ABCA10: variants seen among roughly 807,000 people sequenced by gnomAD.
ABCA10 encodes ATP binding cassette subfamily A member 10.
In ABCA10, 169 loss-of-function variants were observed where a neutral mutation model predicts 187.5. That is an observed-to-expected ratio of 0.90 (90% CI 0.80 to 1.02). The LOEUF is 1.02. Ranked by LOEUF, ABCA10 falls within the 50% of genes least tolerant of loss-of-function variation. The pLI is 0.00. For synonymous variants in ABCA10, 574 were observed against 601.8 expected, an observed-to-expected ratio of 0.95 and a Z score of 0.68; for missense variants, 1,727 against 1,812.4, an observed-to-expected ratio of 0.95 and a Z score of 0.86.
chr17:69,152,317 C>G, intron 35 of ABCA10, 45 bp downstream of exon 35: 1 of 1,592,148 alleles, frequency 6.3e-7, no homozygotes, highest in Non-Finnish European at 8.5e-7. Context: ...GAAACTCTCT[C>G]TATAAGAACA....
At chr17:69,243,210 T>C (rs941008803) in intron 1 of ABCA10, among the ~76,000 whole-genome samples, 6 of 152,214 alleles carry the variant, frequency 3.9e-5, no homozygotes, top group African/African-American at 1.4e-4. Context: ...AAATTACTTC[T>C]GATTAGTGTA....
At chr17:69,186,676 T>C (rs2074424409) in intron 19 of ABCA10, among the ~76,000 whole-genome samples, 1 of 152,186 alleles carries the variant, frequency 6.6e-6, no homozygotes, top group Admixed American at 6.5e-5. Flanking sequence ...CCCTCCATAT[T>C]TTCTAATCTT....
At chr17:69,176,127 C>T (rs1239654598) in intron 22 of ABCA10, among the ~76,000 whole-genome samples, 2 of 152,154 alleles carry the variant, frequency 1.3e-5, no homozygotes, top group Non-Finnish European at 2.9e-5. Context: ...TTTACATTTA[C>T]ATCTGATATT....
chr17:69,183,032 T>C (rs2074392687), intron 20 of ABCA10, among the ~76,000 whole-genome samples: 1 of 152,212 alleles, frequency 6.6e-6, no homozygotes, highest in Non-Finnish European at 1.5e-5. Context: ...TTTTCAGAAA[T>C]ATATTCATTT....
At chr17:69,196,624 A>G in intron 11 of ABCA10, 2 of 197,132 alleles carry the variant, frequency 1.0e-5, no homozygotes, top group Non-Finnish European at 2.1e-5. Context: ...GGCCGGGCAG[A>G]GGCTGCAATC....
chr17:69,195,978 A>G (rs544675969), intron 11 of ABCA10, among the ~76,000 whole-genome samples: 1 of 152,174 alleles, frequency 6.6e-6, no homozygotes, highest in Non-Finnish European at 1.5e-5. Context: ...AGACACAGCA[A>G]CAATCTGATT....
At chr17:69,191,098 T>G in intron 17 of ABCA10, 78 bp downstream of exon 17, 1 of 1,272,122 alleles carries the variant, frequency 7.9e-7, no homozygotes. Context: ...TAGAACTCGA[T>G]TCATAGAACA....
In ABCA10 at chr17:69,222,528, G is replaced by A. The variant is rs749428521; in HGVS notation, c.199+5C>T. ...AAAAATTATAATCAGTTTTTTTATA[G>A]TTACCTGTGTATTCAGAGTGCTCCT... On this transcript the variant is annotated splice_donor_5th_base_variant and intron_variant, in intron 4 of 38. Coordinates refer to ENST00000690296, the MANE Select transcript of ABCA10 (RefSeq NM_001377321.1). 3 of 1,538,018 alleles carry A rather than the reference G, an allele frequency of 2.0e-6. No homozygotes were observed. In the South Asian group the frequency reaches 3.8e-5, roughly 20 times the overall value.
At chr17:69,185,944 T>C (rs1176992350) in intron 19 of ABCA10, among the ~76,000 whole-genome samples, 3 of 152,142 alleles carry the variant, frequency 2.0e-5, no homozygotes, top group African/African-American at 7.2e-5. Context: ...TTTTATGAGA[T>C]AACAGGGGCC....
At chr17:69,181,686 A>C (rs2074381872) in intron 22 of ABCA10, among the ~76,000 whole-genome samples, 1 of 152,004 alleles carries the variant, frequency 6.6e-6, no homozygotes, top group Non-Finnish European at 1.5e-5. Context: ...TAAACATAAC[A>C]GTACTTGAAA....
chr17:69,154,935 GA>G, intron 30 of ABCA10, 83 bp downstream of exon 30: 1 of 913,256 alleles, frequency 1.1e-6, no homozygotes, highest in Admixed American at 2.5e-5. Context: ...CAGTCTCAAT[GA>G]ATAAAAATTT....
chr17:69,191,583 A>T (rs188316320), intron 16 of ABCA10, among the ~76,000 whole-genome samples: 1 of 152,330 alleles, frequency 6.6e-6, no homozygotes, highest in Admixed American at 6.5e-5. Flanking sequence ...AAGCACAGTG[A>T]CATTTTAGCA....
At chr17:69,222,498 C>CA (rs746046625) in intron 4 of ABCA10, 35 bp downstream of exon 4, 212 of 1,452,396 alleles carry the variant, frequency 1.5e-4, no homozygotes, top group South Asian at 3.9e-4. Context: ...CATGAAGTAT[C>CA]AAAAAAAAAT....
intron 6 of ABCA10, among the ~76,000 whole-genome samples, chr17:69,218,466 C>T (rs1045066137): frequency 1.3e-5 from 2 of 151,786 alleles, no homozygotes; most frequent in African/African-American, 2.4e-5. Flanking sequence ...CCCTAGAACA[C>T]GGTAAAGTAC....
intron 9 of ABCA10, among the ~76,000 whole-genome samples, chr17:69,206,340 G>T (rs2074591674): frequency 6.6e-6 from 1 of 152,090 alleles, no homozygotes; most frequent in Non-Finnish European, 1.5e-5. Flanking sequence ...AATAAGGTGT[G>T]GAATAGGACT....
chr17:69,222,180 C>T (rs1164814178), intron 4 of ABCA10, among the ~76,000 whole-genome samples: 1 of 151,852 alleles, frequency 6.6e-6, no homozygotes, highest in African/African-American at 2.4e-5. Flanking sequence ...CATGGTGAAA[C>T]CCCATCTCTA....
chr17:69,179,822 C>T (rs965375571), intron 22 of ABCA10, among the ~76,000 whole-genome samples: 4 of 152,156 alleles, frequency 2.6e-5, no homozygotes, highest in African/African-American at 9.7e-5. Flanking sequence ...AGAGCTGGCT[C>T]ATGCTCAGCC....
intron 11 of ABCA10, among the ~76,000 whole-genome samples, chr17:69,195,560 T>TTTTTTC (rs1241572726): frequency 2.8e-5 from 4 of 143,516 alleles, no homozygotes; most frequent in Non-Finnish European, 4.6e-5. Context: ...TTTTCTTTTT[T>TTTTTTC]TTTTTTTTTT....
At chr17:69,149,175 T>C in intron 37 of ABCA10, 87 bp from the exon 38 acceptor site, 2 of 1,436,948 alleles carry the variant, frequency 1.4e-6, no homozygotes, top group Non-Finnish European at 2.0e-6. Flanking sequence ...TAGCTTCAAA[T>C]TGTTTAGATA....
Sources: gnomAD v4.1 joint callset for allele counts (sites outside exome capture counted in the v4.1 genomes callset) on GRCh38, gnomAD v4.1.1 for gene constraint, MANE v1.5 for transcripts, NCBI Gene and HGNC (gene_info 2026-07-23, HGNC 2026-07-21) for gene names.